LTBP1: variants seen among roughly 807,000 people sequenced by gnomAD.
LTBP1 encodes the protein latent transforming growth factor beta binding protein 1, also known as latent-transforming growth factor beta-binding protein 1.
Under a neutral mutation model 207.6 loss-of-function variants are expected in LTBP1, and 129 were observed. The observed-to-expected ratio is 0.62, with a 90% CI of 0.54 to 0.72. The LOEUF (loss-of-function observed/expected upper bound fraction) is 0.72. Ranked by LOEUF, LTBP1 falls within the 30% of genes least tolerant of loss-of-function variation. LTBP1 has a pLI of 0.00. For synonymous variants in LTBP1, 963 were observed against 833.7 expected, an observed-to-expected ratio of 1.16 and a Z score of -2.67; for missense variants, 2,281 against 2,217.2, an observed-to-expected ratio of 1.03 and a Z score of -0.58.
chr2:33,256,955 A>G (rs2092879145), intron 11 of LTBP1, among the ~76,000 whole-genome samples: 1 of 150,182 alleles, frequency 6.7e-6, no homozygotes, highest in Non-Finnish European at 1.5e-5. Flanking sequence ...TCCCTCATGG[A>G]TACTGAGGAA....
rs779474234 is a variant in LTBP1, at chr2:33,275,102, A to G, written c.2869+12A>G. On this transcript the variant is annotated intron_variant, in intron 17 of 33. Transcript: ENST00000404816. The stretch of plus-strand genomic sequence containing the variant: ...TACTAACTGCATAGGTAATGGCAGC[A>G]TTCTTCCTGCTTACAAATTCTTAGA... The G allele has an allele frequency of 1.2e-6, 2 of 1,613,350 alleles. No individual in the cohort carries two copies. Among genetic ancestry groups the G allele is most frequent in the South Asian group, 2.2e-5 (2 of 91,042 alleles).
At chr2:33,386,827 T>C (rs962365919) in intron 31 of LTBP1, among the ~76,000 whole-genome samples, 3 of 93,530 alleles carry the variant, frequency 3.2e-5, no homozygotes, top group Non-Finnish European at 3.9e-5. Context: ...AGCAAGACCC[T>C]TTTTTTTTTT....
intron 19 of LTBP1, among the ~76,000 whole-genome samples, chr2:33,283,582 G>A (rs567848689): frequency 5.7e-4 from 86 of 151,918 alleles, no homozygotes; most frequent in African/African-American, 1.9e-3. Flanking sequence ...GACTACAGGC[G>A]CCCGCCACCA....
At chr2:33,329,655 T>C (rs1345111433) in intron 24 of LTBP1, among the ~76,000 whole-genome samples, 1 of 152,086 alleles carries the variant, frequency 6.6e-6, no homozygotes, top group Non-Finnish European at 1.5e-5. Context: ...AGTGCCTTTT[T>C]CCCACTAATA....
chr2:33,139,481 C>T (rs944943464), intron 5 of LTBP1, among the ~76,000 whole-genome samples: 1 of 152,176 alleles, frequency 6.6e-6, no homozygotes, highest in African/African-American at 2.4e-5. Flanking sequence ...TAGAGAGCTG[C>T]TAGCAGGCGC....
At chr2:33,358,539 G>A (rs887478940) in intron 26 of LTBP1, among the ~76,000 whole-genome samples, 2 of 151,840 alleles carry the variant, frequency 1.3e-5, no homozygotes, top group Non-Finnish European at 2.9e-5. Flanking sequence ...CTTCATTGAG[G>A]CCTTATTACA....
chr2:33,333,361 T>C (rs774402872), intron 24 of LTBP1, among the ~76,000 whole-genome samples: 47 of 152,294 alleles, frequency 3.1e-4, no homozygotes, highest in Middle Eastern at 3.4e-3. Context: ...GGTTGCTTTT[T>C]GGCAATGGGG....
chr2:32,965,343 A>G (rs976064893), intron 2 of LTBP1, among the ~76,000 whole-genome samples: 2 of 152,080 alleles, frequency 1.3e-5, no homozygotes, highest in African/African-American at 2.4e-5. Flanking sequence ...TTATCACCCA[A>G]TGTCCATAGT....
At chr2:33,357,116 C>T (rs1216528143) in intron 26 of LTBP1, among the ~76,000 whole-genome samples, 1 of 152,118 alleles carries the variant, frequency 6.6e-6, no homozygotes, top group Non-Finnish European at 1.5e-5. Flanking sequence ...ATTTTCTCAC[C>T]CCAACAGTAA....
Position 33,226,085 on chromosome 2 carries a change from G to A in LTBP1, c.1876+3934G>A, listed in dbSNP as rs969018962. On this transcript the variant is annotated intron_variant, in intron 9 of 33. Transcript: ENST00000404816. ...ATTCTGATTTTGTTATTGACCCATG[G>A]ATTATTTAGAAATATATTGCTTAAT... Among the ~76,000 whole-genome samples the A allele has an allele frequency of 4.6e-5, 7 of 152,236 alleles. 1 individual carries two copies. In the South Asian group the frequency reaches 1.2e-3, roughly 27 times the overall value.
At chr2:32,960,724 A>G (rs1464946376) in intron 2 of LTBP1, among the ~76,000 whole-genome samples, 1 of 152,200 alleles carries the variant, frequency 6.6e-6, no homozygotes, top group Admixed American at 6.5e-5. Context: ...AAGTCTCTAT[A>G]GGAAGTGACA....
intron 3 of LTBP1, among the ~76,000 whole-genome samples, chr2:33,089,997 T>C (rs1409345890): frequency 6.6e-6 from 1 of 152,264 alleles, no homozygotes; most frequent in Non-Finnish European, 1.5e-5. Flanking sequence ...ATGAGTTTGC[T>C]GATATTTATT....
At chr2:33,143,787 GT>G (rs78245020) in intron 5 of LTBP1, among the ~76,000 whole-genome samples, 37,456 of 141,682 alleles carry the variant, frequency 0.26, 4,773 homozygotes, top group African/African-American at 0.29. Context: ...GTTTTTTGTT[GT>G]TTTTTTTTTT....
At chr2:33,259,648 C>T (rs372317444) in intron 13 of LTBP1, 38 bp downstream of exon 13, 43 of 1,573,424 alleles carry the variant, frequency 2.7e-5, no homozygotes, top group Middle Eastern at 3.4e-4. Context: ...TTTTTTTCAA[C>T]GCTCAAAGTG....
chr2:32,975,449 TG>T (rs1447157014), intron 2 of LTBP1, among the ~76,000 whole-genome samples: 1 of 152,154 alleles, frequency 6.6e-6, no homozygotes, highest in African/African-American at 2.4e-5. Flanking sequence ...GAAATTTTTG[TG>T]AAGTGAATGA....
intron 31 of LTBP1, among the ~76,000 whole-genome samples, chr2:33,369,813 A>G (rs1257569475): frequency 6.6e-6 from 1 of 152,258 alleles, no homozygotes. Flanking sequence ...AGAGAGAAGT[A>G]CACAGTGAAA....
chr2:33,100,590 G>C lies in LTBP1; in HGVS notation c.864-9992G>C, dbSNP rs573309918. On this transcript the variant is annotated intron_variant, in intron 3 of 33. Coordinates refer to ENST00000404816, the MANE Select transcript of LTBP1 (RefSeq NM_206943.4). ...CCATCTTAACCATTTTCATTGTACA[G>C]TTCATGGAAGTACATGCACCGTGCT... 2.6e-5 allele frequency among the ~76,000 whole-genome samples: 4 copies of C among 152,028 alleles called. No individual in the cohort carries two copies. The South Asian group carries it at 6.2e-4, about 24-fold the overall frequency.
intron 3 of LTBP1, among the ~76,000 whole-genome samples, chr2:33,095,209 A>G (rs1042936494): frequency 3.9e-5 from 6 of 152,228 alleles, no homozygotes; most frequent in East Asian, 3.8e-4. Flanking sequence ...ACAGATGACA[A>G]TTACAAACTC....
At chr2:33,318,091 G>C (rs1403084481) in intron 24 of LTBP1, among the ~76,000 whole-genome samples, 1 of 152,100 alleles carries the variant, frequency 6.6e-6, no homozygotes, top group Non-Finnish European at 1.5e-5. Context: ...TTTTGGATTA[G>C]GGATGCTCAA....
Sources: allele counts gnomAD v4.1 joint callset (sites outside exome capture counted in the v4.1 genomes callset), GRCh38; gene constraint gnomAD v4.1.1; transcripts MANE v1.5; gene names NCBI Gene and HGNC (gene_info 2026-07-23, HGNC 2026-07-21).